TEKTL1: variants seen among roughly 807,000 people sequenced by gnomAD.
The protein encoded by TEKTL1 is tektin like 1.
chr19:15,013,287 G>A, the TEKTL1 span, among the ~76,000 whole-genome samples: 1 of 152,120 alleles, frequency 6.6e-6, no homozygotes, highest in African/African-American at 2.4e-5. Flanking sequence ...TCATCCGTAT[G>A]ATATGATCCC....
the TEKTL1 span, among the ~76,000 whole-genome samples, chr19:15,011,754 A>AAC: frequency 2.8e-5 from 4 of 143,914 alleles, no homozygotes; most frequent in Admixed American, 6.9e-5. Context: ...AAAAAAAAAT[A>AAC]TTTCCATAGA....
the TEKTL1 span, among the ~76,000 whole-genome samples, chr19:15,012,271 G>C: frequency 6.6e-6 from 1 of 151,320 alleles, no homozygotes; most frequent in Non-Finnish European, 1.5e-5. Context: ...TCCAAAAATT[G>C]CAGGTAAATT....
At chr19:15,013,641 C>T in the TEKTL1 span, 418 of 1,522,100 alleles carry the variant, frequency 2.7e-4, no homozygotes, top group Middle Eastern at 4.7e-3. Context: ...CCTTTCTTAA[C>T]GATGTGAGGG....
the TEKTL1 span, chr19:15,010,830 G>A: frequency 1.3e-6 from 2 of 1,536,354 alleles, no homozygotes; most frequent in Non-Finnish European, 8.7e-7. Context: ...GGGACCATGC[G>A]CGTGTTGGTA....
the TEKTL1 span, chr19:15,010,806 C>A: frequency 6.6e-7 from 1 of 1,509,050 alleles, no homozygotes. Context: ...CCGGCCAGGC[C>A]GAGAGACCAA....
the TEKTL1 span, among the ~76,000 whole-genome samples, chr19:15,013,465 A>G: frequency 1.3e-5 from 2 of 152,086 alleles, no homozygotes; most frequent in South Asian, 4.1e-4. Context: ...AGCTCCAGAG[A>G]GCAAGACCCG....
chr19:15,015,800 T>C, the TEKTL1 span, among the ~76,000 whole-genome samples: 51 of 152,336 alleles, frequency 3.3e-4, no homozygotes, highest in African/African-American at 1.1e-3. Context: ...TTAATGCCAC[T>C]AAACTGTACA....
chr19:15,013,749 T>G, the TEKTL1 span: 4 of 1,613,154 alleles, frequency 2.5e-6, no homozygotes, highest in Non-Finnish European at 3.4e-6. Flanking sequence ...TGGAGAGAGA[T>G]ATGGAAAAAT....
At chr19:15,011,162 T>G in the TEKTL1 span, 5 of 1,510,888 alleles carry the variant, frequency 3.3e-6, no homozygotes, top group Non-Finnish European at 4.4e-6. Context: ...GCCGCTACCC[T>G]TGCACCGCAA....
At chr19:15,021,832 G>A in the TEKTL1 span, 1 of 1,613,990 alleles carries the variant, frequency 6.2e-7, no homozygotes, top group Non-Finnish European at 8.5e-7. Flanking sequence ...TTCACCTGGA[G>A]ACCGCAGAAA....
the TEKTL1 span, among the ~76,000 whole-genome samples, chr19:15,013,312 G>T: frequency 6.6e-4 from 101 of 152,272 alleles, no homozygotes; most frequent in Non-Finnish European, 1.4e-3. Context: ...CCTGTAGCCA[G>T]GGAGAGGAGA....
chr19:15,023,240 G>C, the TEKTL1 span: 23 of 831,640 alleles, frequency 2.8e-5, no homozygotes, highest in Non-Finnish European at 4.0e-5. Flanking sequence ...CACCCTCTAG[G>C]AGAATTATAA....
the TEKTL1 span, chr19:15,021,952 A>C: frequency 6.6e-7 from 1 of 1,522,254 alleles, no homozygotes; most frequent in Non-Finnish European, 9.1e-7. Flanking sequence ...CTCTAGGCCC[A>C]GCCCCGCCAA....
At chr19:15,022,340 A>G in the TEKTL1 span, among the ~76,000 whole-genome samples, 4 of 151,620 alleles carry the variant, frequency 2.6e-5, no homozygotes, top group Non-Finnish European at 5.9e-5. Flanking sequence ...TATTGTTATT[A>G]TTATTTGAGA....
the TEKTL1 span, among the ~76,000 whole-genome samples, chr19:15,016,185 C>CTTTTTTTT: frequency 3.7e-4 from 25 of 66,750 alleles, no homozygotes; most frequent in African/African-American, 1.1e-3. Flanking sequence ...GACAGCTGTC[C>CTTTTTTTT]TTTTTTTTTT....
chr19:15,020,721 AG>A, the TEKTL1 span: 1 of 1,423,542 alleles, frequency 7.0e-7, no homozygotes, highest in Admixed American at 2.0e-5. Context: ...CTGTCAGTGC[AG>A]CCCGTCGCCC....
chr19:15,018,375 A>T, the TEKTL1 span, among the ~76,000 whole-genome samples: 1 of 152,064 alleles, frequency 6.6e-6, no homozygotes, highest in East Asian at 1.9e-4. Context: ...GCACAGTACC[A>T]TAAACAGAAG....
the TEKTL1 span, chr19:15,011,224 G>T: frequency 1.4e-6 from 2 of 1,476,556 alleles, no homozygotes; most frequent in Non-Finnish European, 8.9e-7. Context: ...CGCGTGGAGC[G>T]CGCCTCACCG....
the TEKTL1 span, among the ~76,000 whole-genome samples, chr19:15,014,720 C>G: frequency 1.4e-4 from 3 of 21,532 alleles, no homozygotes; most frequent in African/African-American, 8.4e-4. Context: ...GCAGGAGACT[C>G]AGTGGGGGGG....
Sources: gnomAD v4.1 joint callset for allele counts (sites outside exome capture counted in the v4.1 genomes callset) on GRCh38, gnomAD v4.1.1 for gene constraint, MANE v1.5 for transcripts, NCBI Gene and HGNC (gene_info 2026-07-23, HGNC 2026-07-21) for gene names.